Variants in PCDH15 observed in about 807,000 individuals in gnomAD.
PCDH15 encodes protocadherin related 15.
A neutral mutation model predicts 178.5 loss-of-function variants in PCDH15; 129 were observed. The observed-to-expected ratio is 0.72, with a 90% confidence interval of 0.63 to 0.84. The LOEUF is 0.84. Among genes scored for constraint, PCDH15 ranks in the 40% least tolerant of loss-of-function variants. The probability of loss-of-function intolerance (pLI) is 0.00; values close to 1 mark genes in which losing one functional copy is unlikely to be tolerated. For synonymous variants in PCDH15, 800 were observed against 732.0 expected (o/e 1.09, Z -1.50); for missense variants, 2,230 against 2,099.9 (o/e 1.06, Z -1.21).
At chr10:55,506,494 A>G (rs1405392158) in intron 2 of PCDH15, among the ~76,000 whole-genome samples, 1 of 151,580 alleles carries the variant, frequency 6.6e-6, no homozygotes, top group Non-Finnish European at 1.5e-5. Flanking sequence ...GTAGAGAGCT[A>G]CATAAGAAAG....
chr10:54,645,587 A>G (rs2094112960), intron 2 of PCDH15, among the ~76,000 whole-genome samples: 1 of 152,168 alleles, frequency 6.6e-6, no homozygotes. Context: ...AGAAAATCAA[A>G]GACAAGATGG....
chr10:54,084,987 G>T (rs1418316183), intron 16 of PCDH15, among the ~76,000 whole-genome samples: 1 of 152,030 alleles, frequency 6.6e-6, no homozygotes, highest in African/African-American at 2.4e-5. Flanking sequence ...ATAGCAATTA[G>T]CAATTAACAA....
At chr10:55,595,212 A>G (rs112489660) in intron 2 of PCDH15, among the ~76,000 whole-genome samples, 9 of 152,128 alleles carry the variant, frequency 5.9e-5, no homozygotes, top group African/African-American at 2.2e-4. Flanking sequence ...AACATTTAGG[A>G]AGTTTATTTT....
rs36090343 is a variant in PCDH15 at position 54,763,753 on chromosome 10, A to AATAT, written c.-29+37168_-29+37171dup. On this transcript the variant is annotated intron_variant, in intron 1 of 37. Coordinates refer to ENST00000644397, the MANE Select transcript of PCDH15 (RefSeq NM_001384140.1). ...GGATACATAAGAGTTGTACTATATA[A>AATAT]ATATATATATATATAGTATATAAAT... is the stretch of plus-strand genomic sequence containing the variant. Among the ~76,000 whole-genome samples, 95 of 146,236 alleles carry AATAT rather than the reference A, an allele frequency of 6.5e-4. 1 individual carries two copies. Among genetic ancestry groups the AATAT allele is most frequent in the East Asian group, 2.4e-3 (12 of 5,056 alleles).
intron 24 of PCDH15, 51 bp downstream of exon 24, chr10:53,940,815 A>C: frequency 7.4e-7 from 1 of 1,343,132 alleles, no homozygotes; most frequent in South Asian, 1.2e-5. Flanking sequence ...AATTAGGCCA[A>C]ATCTAAGTTT....
intron 18 of PCDH15, among the ~76,000 whole-genome samples, chr10:54,023,943 A>G (rs929621824): frequency 3.3e-5 from 5 of 152,060 alleles, no homozygotes; most frequent in African/African-American, 9.7e-5. Context: ...GAAATAAAAC[A>G]GATTTGAAAC....
chr10:54,412,409 T>G (rs144709107), intron 3 of PCDH15, among the ~76,000 whole-genome samples: 89 of 152,192 alleles, frequency 5.8e-4, no homozygotes, highest in African/African-American at 2.1e-3. Flanking sequence ...GTATTGTAGT[T>G]TTCTCTAAAA....
chr10:54,399,708 G>C (rs1451898177), intron 3 of PCDH15, among the ~76,000 whole-genome samples: 1 of 152,064 alleles, frequency 6.6e-6, no homozygotes, highest in Non-Finnish European at 1.5e-5. Context: ...CCCAGCCCAA[G>C]AGAATCACCA....
intron 13 of PCDH15, among the ~76,000 whole-genome samples, chr10:54,177,849 T>G (rs10490980): frequency 6.6e-6 from 1 of 151,894 alleles, no homozygotes; most frequent in Non-Finnish European, 1.5e-5. Flanking sequence ...GATTAGTTAA[T>G]GTATTTTTGG....
At chr10:54,925,965 C>T (rs1837612374) in intron 2 of PCDH15, among the ~76,000 whole-genome samples, 1 of 152,178 alleles carries the variant, frequency 6.6e-6, no homozygotes, top group South Asian at 2.1e-4. Context: ...TTTGGTCTTG[C>T]CAGTACTTCC....
intron 2 of PCDH15, among the ~76,000 whole-genome samples, chr10:55,624,926 G>T (rs1394660569): frequency 1.3e-5 from 2 of 152,064 alleles, no homozygotes; most frequent in African/African-American, 2.4e-5. Flanking sequence ...ATGATTGTAG[G>T]CACTGTTAAA....
chr10:55,624,444 G>A (rs1242985328), intron 2 of PCDH15, among the ~76,000 whole-genome samples: 4 of 150,430 alleles, frequency 2.7e-5, no homozygotes, highest in South Asian at 2.1e-4. Context: ...GAAGCCACCC[G>A]ACACTTTGAT....
intron 3 of PCDH15, among the ~76,000 whole-genome samples, chr10:54,447,226 T>TTG (rs1389131201): frequency 2.6e-5 from 4 of 151,502 alleles, no homozygotes. Flanking sequence ...GTTACTATTT[T>TTG]TGTGTGTGTG....
At chr10:54,411,144 C>A (rs969332819) in intron 3 of PCDH15, among the ~76,000 whole-genome samples, 3 of 152,046 alleles carry the variant, frequency 2.0e-5, no homozygotes, top group African/African-American at 4.8e-5. Flanking sequence ...TCTAGGCTGA[C>A]CCATGATGCT....
chr10:54,368,212 AT>A (rs1565098427), intron 5 of PCDH15, among the ~76,000 whole-genome samples: 1 of 152,072 alleles, frequency 6.6e-6, no homozygotes, highest in African/African-American at 2.4e-5. Flanking sequence ...TAACTAAAAA[AT>A]ATTTTTAGTA....
intron 14 of PCDH15, among the ~76,000 whole-genome samples, chr10:54,152,583 G>T (rs1354164270): frequency 6.7e-6 from 1 of 149,964 alleles, no homozygotes; most frequent in African/African-American, 2.4e-5. Flanking sequence ...TTCTTGGAAT[G>T]ATACTGAAAA....
At chr10:55,440,872 CAA>C (rs1007793969) in intron 2 of PCDH15, among the ~76,000 whole-genome samples, 1 of 152,086 alleles carries the variant, frequency 6.6e-6, no homozygotes, top group African/African-American at 2.4e-5. Context: ...AGGTTCCAGA[CAA>C]GAGAGAATGA....
At chr10:55,325,919 T>C (rs922291456) in intron 2 of PCDH15, among the ~76,000 whole-genome samples, 1 of 152,072 alleles carries the variant, frequency 6.6e-6, no homozygotes, top group African/African-American at 2.4e-5. Context: ...CATTAAAAAG[T>C]GGCCAAAGGC....
intron 3 of PCDH15, among the ~76,000 whole-genome samples, chr10:54,508,759 A>G (rs2081382506): frequency 6.6e-6 from 1 of 152,138 alleles, no homozygotes; most frequent in Non-Finnish European, 1.5e-5. Context: ...CAACAGAGTC[A>G]CCAATTTCTC....
Sources: allele counts gnomAD v4.1 joint callset (sites outside exome capture counted in the v4.1 genomes callset), GRCh38; gene constraint gnomAD v4.1.1; transcripts MANE v1.5; gene names NCBI Gene and HGNC (gene_info 2026-07-23, HGNC 2026-07-21).